The following TRANK1 variants were observed in gnomAD, a reference collection of about 807,000 sequenced individuals.
The protein encoded by TRANK1 is tetratricopeptide repeat and ankyrin repeat containing 1, also known as TPR and ankyrin repeat-containing protein 1.
In TRANK1, 198 loss-of-function variants were observed where a neutral mutation model predicts 266.0. That is an observed-to-expected ratio of 0.74 (90% CI 0.66 to 0.84). The LOEUF is 0.84. TRANK1 is among the 40% of genes least tolerant of loss of function. The pLI, the probability that TRANK1 is intolerant of heterozygous loss-of-function variation, is 0.00. For synonymous variants in TRANK1, 1,396 were observed against 1,384.1 expected (o/e 1.01, Z -0.19); for missense variants, 3,326 against 3,634.6 (o/e 0.92, Z 2.18).
At chr3:36,836,498 T>G (rs771123224) in intron 20 of TRANK1, among the ~76,000 whole-genome samples, 2 of 152,240 alleles carry the variant, frequency 1.3e-5, no homozygotes, top group Non-Finnish European at 2.9e-5. Flanking sequence ...TATATATGTA[T>G]AGAAGACACC....
chr3:36,898,573 C>T (rs1025060710), intron 4 of TRANK1, among the ~76,000 whole-genome samples: 9 of 152,146 alleles, frequency 5.9e-5, no homozygotes, highest in African/African-American at 9.7e-5. Flanking sequence ...TGAAACCAGC[C>T]GGGCAGGGTG....
Position 36,838,698 on chromosome 3 carries a change from G to C in TRANK1, c.5299C>G (p.Gln1767Glu). ...QCWKVAAKCY[Q>E]KGGAFEKEKL... ...TCCTTCTCAAATGCACCTCCTTTCT[G>C]GTAACACTTGGCTGCAACCTGGAAT... The change falls in exon 19 of 24, where the codon CAG becomes GAG. Residue 1767 changes from glutamine (Q) to glutamate (E), a missense_variant. Gln to Glu is a conservative substitution (Grantham distance 29). Coordinates refer to ENST00000645898, the MANE Select transcript of TRANK1 (RefSeq NM_001329998.2). 6.2e-7 allele frequency: 1 copy of C among 1,613,488 alleles called. No homozygotes were observed. Among genetic ancestry groups the C allele is most frequent in the Non-Finnish European group, 8.5e-7 (1 of 1,179,708 alleles).
rs1381339147 is a variant in TRANK1, at chr3:36,856,330, T to G, written c.3392A>C (p.Glu1131Ala). ...VEPGKESPGG[E>A]EEEEEEDEEE... is the part of the protein sequence containing the mutation. ...CTCGTCCTCTTCCTCCTCCTCTTCC[T>G]CCCCACCTGGACTCTCTTTTCCGGG... Residue 1131 changes from glutamate (E) to alanine (A), a missense_variant, in exon 13 of 24, where the codon GAG (glutamate) becomes GCG (alanine). Physicochemically the swap from Glu to Ala is moderately radical, Grantham distance 107. Coordinates refer to ENST00000645898, the MANE Select transcript of TRANK1 (RefSeq NM_001329998.2). 2 of 1,573,302 alleles carry G rather than the reference T, an allele frequency of 1.3e-6. No individual in the cohort carries two copies. The highest frequency in any genetic ancestry group is 1.7e-6 in the Non-Finnish European group (2 of 1,159,530).
intron 2 of TRANK1, among the ~76,000 whole-genome samples, chr3:36,907,356 G>T (rs965674513): frequency 6.6e-6 from 1 of 151,946 alleles, no homozygotes; most frequent in Admixed American, 6.6e-5. Context: ...CACCATGTTG[G>T]CCAGGCTGGT....
At chr3:36,904,395 C>A (rs951296999) in intron 2 of TRANK1, among the ~76,000 whole-genome samples, 3 of 151,790 alleles carry the variant, frequency 2.0e-5, no homozygotes, top group Admixed American at 2.0e-4. Context: ...TGGGGTGCAC[C>A]TGTAGTCCCA....
At chr3:36,858,097 G>A (rs748370084) in intron 12 of TRANK1, 48 bp from the exon 13 acceptor site, 227 of 1,420,572 alleles carry the variant, frequency 1.6e-4, no homozygotes, top group Non-Finnish European at 2.0e-4. Flanking sequence ...ACTCTTCTTA[G>A]GGGACAGCAG....
intron 1 of TRANK1, among the ~76,000 whole-genome samples, chr3:36,920,860 G>A (rs1298203723): frequency 2.0e-5 from 3 of 152,316 alleles, no homozygotes; most frequent in African/African-American, 4.8e-5. Flanking sequence ...GGCAGCAAAC[G>A]AGGAGTTGGG....
chr3:36,833,691 C>T lies in TRANK1; in HGVS notation c.5892G>A (p.Glu1964=), dbSNP rs1161801878. ...DLLNREGRRE[E]AALLMKQHGC... is the part of the protein sequence containing the mutation. ...CATGTTGCTTCATCAGCAGGGCAGC[C>T]TCTTCTCTCCTACCTTCCCTGTTCA... Residue 1964 remains glutamate (E), a synonymous_variant, in exon 22 of 24, where the codon GAG becomes GAA. Transcript: ENST00000645898. The T allele has an allele frequency of 6.2e-6, 10 of 1,613,906 alleles. No homozygotes were observed. Among genetic ancestry groups the T allele is most frequent in the Non-Finnish European group, 8.5e-6 (10 of 1,179,888 alleles).
chr3:36,905,290 CAA>C (rs35960884), intron 2 of TRANK1, among the ~76,000 whole-genome samples: 26 of 94,862 alleles, frequency 2.7e-4, no homozygotes, highest in Admixed American at 9.2e-4. Context: ...GACTCTGTCT[CAA>C]AAAAAAAAAA....
chr3:36,879,885 TAAACATGC>T (rs1450688152), intron 8 of TRANK1, among the ~76,000 whole-genome samples: 1,233 of 94,402 alleles, frequency 0.013, 408 homozygotes, highest in East Asian at 0.018. Flanking sequence ...CAAATATATG[TAAACATGC>T]AAATATATGT....
Position 36,857,380 on chromosome 3 carries a change from G to A in TRANK1, c.2342C>T (p.Pro781Leu). Residue 781 changes from proline (P) to leucine (L), a missense_variant, in exon 13 of 24, where the codon CCT (proline) becomes CTT (leucine). Coordinates refer to ENST00000645898, the MANE Select transcript of TRANK1 (RefSeq NM_001329998.2). The surrounding 1 kb of genome is among the most constrained non-coding windows in gnomAD (Gnocchi z 4.3). ...TCCTTCCCCCACCTCACTACAGTCA[G>A]GGGCCCCTGCACCCAGAGTCGGCTT... is the stretch of plus-strand genomic sequence containing the variant. ...DDKPTLGAGAPDCSEVGEGHA... is the reference protein window; with the variant it reads ...DDKPTLGAGALDCSEVGEGHA... 6.2e-7 allele frequency: 1 copy of A among 1,610,324 alleles called. No individual in the cohort carries two copies. The highest frequency in any genetic ancestry group is 8.5e-7 in the Non-Finnish European group (1 of 1,178,106).
chr3:36,935,425 C>T (rs192514936), intron 1 of TRANK1, among the ~76,000 whole-genome samples: 31 of 148,420 alleles, frequency 2.1e-4, no homozygotes, highest in African/African-American at 7.7e-4. Context: ...TTACTGCTTT[C>T]CCTAGAAGAT....
intron 1 of TRANK1, among the ~76,000 whole-genome samples, chr3:36,931,484 C>T (rs2080359455): frequency 6.6e-6 from 1 of 152,074 alleles, no homozygotes; most frequent in Non-Finnish European, 1.5e-5. Context: ...GCAGGTGGAT[C>T]ACTTGAGCCC....
At chr3:36,830,095 A>G (rs2078674192) in intron 22 of TRANK1, among the ~76,000 whole-genome samples, 1 of 152,216 alleles carries the variant, frequency 6.6e-6, no homozygotes, top group Non-Finnish European at 1.5e-5. Flanking sequence ...CAGGCAGATT[A>G]CCTGGGATCA....
intron 10 of TRANK1, among the ~76,000 whole-genome samples, chr3:36,862,484 A>G (rs1263986263): frequency 2.0e-5 from 3 of 152,198 alleles, no homozygotes; most frequent in African/African-American, 7.2e-5. Context: ...CGGCATTTGC[A>G]ATTTTTGTCC....
intron 1 of TRANK1, among the ~76,000 whole-genome samples, chr3:36,923,286 G>A (rs575542267): frequency 6.0e-5 from 8 of 133,916 alleles, no homozygotes; most frequent in South Asian, 4.6e-4. Context: ...GTGGAGTCCC[G>A]CTCCAGTTGT....
chr3:36,861,283 TGG>T (rs1437048041), intron 10 of TRANK1, 123 bp from the exon 11 acceptor site: 2 of 1,244,158 alleles, frequency 1.6e-6, no homozygotes, highest in African/African-American at 3.0e-5. Context: ...GTTGATTATT[TGG>T]GCCATGTTGC....
chr3:36,907,224 C>G (rs1049455065), intron 2 of TRANK1, among the ~76,000 whole-genome samples: 10 of 152,190 alleles, frequency 6.6e-5, no homozygotes, highest in Non-Finnish European at 1.0e-4. Flanking sequence ...GATCTCGGCT[C>G]GCTGTAACAT....
At chr3:36,943,721 T>C (rs1455227957) in intron 1 of TRANK1, among the ~76,000 whole-genome samples, 1 of 149,600 alleles carries the variant, frequency 6.7e-6, no homozygotes, top group African/African-American at 2.5e-5. Context: ...CCCAAAACGC[T>C]CAGCACGAGG....
Sources: gnomAD v4.1 joint callset for allele counts (sites outside exome capture counted in the v4.1 genomes callset) on GRCh38, gnomAD v4.1.1 for gene constraint, Gnocchi (gnomAD v3.1) non-coding constraint, MANE v1.5 for transcripts, NCBI Gene and HGNC (gene_info 2026-07-23, HGNC 2026-07-21) for gene names.